PCDH15: variants seen among roughly 807,000 people sequenced by gnomAD.
PCDH15 encodes the protein protocadherin related 15, also known as protocadherin-15.
Under a neutral mutation model 178.5 loss-of-function variants are expected in PCDH15, and 129 were observed. That is an observed-to-expected ratio of 0.72 (90% CI 0.63 to 0.84). The LOEUF (loss-of-function observed/expected upper bound fraction) is 0.84. Ranked by LOEUF, PCDH15 falls within the 40% of genes least tolerant of loss-of-function variation. PCDH15 has a pLI of 0.00. For synonymous variants in PCDH15, 800 were observed against 732.0 expected (o/e 1.09, Z -1.50); for missense variants, 2,230 against 2,099.9 (o/e 1.06, Z -1.21).
chr10:54,992,509 T>C (rs1839526679), intron 2 of PCDH15, among the ~76,000 whole-genome samples: 1 of 151,898 alleles, frequency 6.6e-6, no homozygotes, highest in African/African-American at 2.4e-5. Flanking sequence ...TCCCAGCACT[T>C]TGGGAGGCCG....
intron 2 of PCDH15, among the ~76,000 whole-genome samples, chr10:55,505,144 T>C (rs998398510): frequency 2.8e-4 from 43 of 151,350 alleles, no homozygotes; most frequent in Non-Finnish European, 1.0e-4. Flanking sequence ...CAGGAAATGT[T>C]TGAATACTTA....
At chr10:55,066,261 G>C (rs1351219818) in intron 2 of PCDH15, among the ~76,000 whole-genome samples, 1 of 151,038 alleles carries the variant, frequency 6.6e-6, no homozygotes, top group Non-Finnish European at 1.5e-5. Context: ...TTTAATAAAA[G>C]AATCAATTCT....
chr10:54,849,724 A>C (rs1953581076), intron 3 of PCDH15, among the ~76,000 whole-genome samples: 1 of 152,196 alleles, frequency 6.6e-6, no homozygotes, highest in Non-Finnish European at 1.5e-5. Flanking sequence ...TTTCAAAGGA[A>C]AGAACCGCAA....
intron 3 of PCDH15, among the ~76,000 whole-genome samples, chr10:54,521,582 A>G (rs988770958): frequency 1.3e-5 from 2 of 152,178 alleles, no homozygotes; most frequent in South Asian, 2.1e-4. Context: ...AGAATGTAAT[A>G]TAACAAAAAT....
chr10:54,679,188 T>A (rs1404071004), intron 1 of PCDH15, among the ~76,000 whole-genome samples: 7 of 53,824 alleles, frequency 1.3e-4, no homozygotes, highest in Non-Finnish European at 2.1e-4. Flanking sequence ...AGACTCCGTC[T>A]CAAAAAAAAA....
At chr10:55,341,664 G>T (rs1370303540) in intron 2 of PCDH15, among the ~76,000 whole-genome samples, 2 of 146,962 alleles carry the variant, frequency 1.4e-5, no homozygotes, top group Admixed American at 1.4e-4. Flanking sequence ...CCCGCTCCCG[G>T]GTTCAAGTGA....
chr10:55,456,867 A>T (rs1367068358), intron 2 of PCDH15, among the ~76,000 whole-genome samples: 1 of 152,056 alleles, frequency 6.6e-6, no homozygotes, highest in African/African-American at 2.4e-5. Context: ...TCTGAGCAGT[A>T]ACTGGTAATT....
intron 2 of PCDH15, among the ~76,000 whole-genome samples, chr10:54,623,182 C>T (rs1174770061): frequency 6.6e-6 from 1 of 152,038 alleles, no homozygotes; most frequent in African/African-American, 2.4e-5. Context: ...TCACTACTTA[C>T]AGCCTTACTC....
intron 2 of PCDH15, among the ~76,000 whole-genome samples, chr10:55,490,079 G>C (rs1414928516): frequency 6.6e-6 from 1 of 151,594 alleles, no homozygotes; most frequent in Non-Finnish European, 1.5e-5. Context: ...ACAATTTACA[G>C]ACATTGGACA....
In PCDH15 at chr10:53,831,002, T is replaced by A. The variant is rs762979440; in HGVS notation, c.4202+313A>T. 4.9e-4 allele frequency among the ~76,000 whole-genome samples: 75 copies of A among 152,328 alleles called. 1 individual carries two copies. In the Middle Eastern group the frequency reaches 0.01, roughly 21 times the overall value. The stretch of plus-strand genomic sequence containing the variant: ...ATTGCTTTTACCCCAGGATACCTGT[T>A]ACCTTCTCTCCCAAGTTGGCTCTTA... On this transcript the variant is annotated intron_variant, in intron 30 of 37. Coordinates refer to ENST00000644397, the MANE Select transcript of PCDH15 (RefSeq NM_001384140.1).
intron 1 of PCDH15, among the ~76,000 whole-genome samples, chr10:54,686,604 G>A (rs1175847172): frequency 6.6e-6 from 1 of 152,070 alleles, no homozygotes; most frequent in Non-Finnish European, 1.5e-5. Flanking sequence ...GTAAAATTGT[G>A]TCCAATACCA....
chr10:53,990,440 T>C (rs907435864), intron 21 of PCDH15, among the ~76,000 whole-genome samples: 7 of 150,848 alleles, frequency 4.6e-5, no homozygotes, highest in Non-Finnish European at 1.0e-4. Context: ...ATTTATTTCA[T>C]AAATCAGTAT....
chr10:53,987,175 AT>A (rs1307834483), intron 21 of PCDH15, among the ~76,000 whole-genome samples: 1 of 152,178 alleles, frequency 6.6e-6, no homozygotes, highest in Non-Finnish European at 1.5e-5. Flanking sequence ...ATATCTAAAA[AT>A]GAAGAAAAAT....
intron 13 of PCDH15, among the ~76,000 whole-genome samples, chr10:54,167,193 T>G (rs1277494798): frequency 6.6e-6 from 1 of 152,094 alleles, no homozygotes; most frequent in Non-Finnish European, 1.5e-5. Flanking sequence ...CTCCTGTTCT[T>G]TGCTCCCTGA....
intron 26 of PCDH15, among the ~76,000 whole-genome samples, chr10:53,900,567 G>A (rs1021609855): frequency 8.5e-5 from 13 of 152,058 alleles, no homozygotes; most frequent in South Asian, 8.3e-4. Context: ...CCAAACTTTC[G>A]CCAGAATCCC....
chr10:55,390,752 C>T (rs1399973983), intron 2 of PCDH15, among the ~76,000 whole-genome samples: 1 of 152,192 alleles, frequency 6.6e-6, no homozygotes, highest in African/African-American at 2.4e-5. Flanking sequence ...ACATTAATCT[C>T]TTTGTACATC....
At chr10:54,669,407 A>G (rs1590946680) in intron 1 of PCDH15, among the ~76,000 whole-genome samples, 2 of 151,188 alleles carry the variant, frequency 1.3e-5, no homozygotes, top group East Asian at 3.9e-4. Context: ...TGACAATTTT[A>G]TAGTACATTT....
At chr10:54,237,000 G>T in intron 8 of PCDH15, 69 bp from the exon 9 acceptor site, 1 of 1,325,522 alleles carries the variant, frequency 7.5e-7, no homozygotes, top group Non-Finnish European at 1.1e-6. Flanking sequence ...TGAGACAGAT[G>T]CTTTAGTTTG....
chr10:54,939,751 A>G (rs1838012179), intron 2 of PCDH15, among the ~76,000 whole-genome samples: 1 of 152,168 alleles, frequency 6.6e-6, no homozygotes, highest in African/African-American at 2.4e-5. Flanking sequence ...CAAATATGAC[A>G]TCTGGTGAAG....
Sources: allele counts gnomAD v4.1 joint callset (sites outside exome capture counted in the v4.1 genomes callset), GRCh38; gene constraint gnomAD v4.1.1; transcripts MANE v1.5; gene names NCBI Gene and HGNC (gene_info 2026-07-23, HGNC 2026-07-21).